The following KLHL4 variants were observed in gnomAD, a reference collection of about 807,000 sequenced individuals.
The protein encoded by KLHL4 is kelch-like protein 4.
Under a neutral mutation model 45.8 loss-of-function variants are expected in KLHL4, and 17 were observed. That is an observed-to-expected ratio of 0.37 (90% CI 0.25 to 0.56). The LOEUF is 0.56. Ranked by LOEUF, KLHL4 falls within the 20% of genes least tolerant of loss-of-function variation. KLHL4 has a pLI of 0.79. For synonymous variants in KLHL4, 224 were observed against 189.9 expected, an observed-to-expected ratio of 1.18 and a Z score of -1.47; for missense variants, 544 against 544.9, an observed-to-expected ratio of 1.00 and a Z score of 0.02.
At chrX:87,559,382 G>A (rs5969259) in intron 1 of KLHL4, among the ~76,000 whole-genome samples, 2 of 110,425 alleles carry the variant, frequency 1.8e-5, no homozygotes, top group Non-Finnish European at 3.8e-5. Flanking sequence ...ATCCTGTTAC[G>A]TTGACAGCCT....
chrX:87,595,031 T>A (rs902528058), intron 1 of KLHL4, among the ~76,000 whole-genome samples: 1 of 110,056 alleles, frequency 9.1e-6, no homozygotes, highest in African/African-American at 3.3e-5. Context: ...TTTTTTTTTT[T>A]TATTATACTT....
chrX:87,541,159 G>A (rs939172846), intron 1 of KLHL4, among the ~76,000 whole-genome samples: 1 of 109,836 alleles, frequency 9.1e-6, no homozygotes, highest in Non-Finnish European at 1.9e-5. Flanking sequence ...TCTTGTGATA[G>A]TGAGGGTGTT....
Position 87,528,706 on chromosome X carries a change from C to CAAA in KLHL4, c.422+10420_422+10422dup, listed in dbSNP as rs1160857135. On this transcript the variant is annotated intron_variant, in intron 1 of 10. Transcript: ENST00000373119. ...ATTCCAGCCTGGTAACAAAGCGAGA[C>CAAA]AAAAAAAAAAAAAAAAAAAAAAAAA... 9.4e-3 allele frequency among the ~76,000 whole-genome samples: 296 copies of CAAA among 31,497 alleles called. 10 individuals are homozygous for CAAA. The highest frequency in any genetic ancestry group is 0.011 in the Non-Finnish European group (203 of 18,360). 27.4% of individuals were successfully genotyped at this position (31,497 alleles called of 115,157 possible).
intron 10 of KLHL4, 29 bp downstream of exon 10, chrX:87,664,964 A>G: frequency 1.0e-6 from 1 of 953,975 alleles, no homozygotes; most frequent in Non-Finnish European, 1.5e-6. Context: ...TCAAATTACT[A>G]TATTTCAGGT....
chrX:87,621,308 A>G (rs904518810), intron 4 of KLHL4, among the ~76,000 whole-genome samples: 9 of 111,100 alleles, frequency 8.1e-5, no homozygotes, highest in African/African-American at 2.6e-4. Flanking sequence ...TGAGATCTTC[A>G]CTATGAGAAA....
intron 1 of KLHL4, among the ~76,000 whole-genome samples, chrX:87,536,133 C>T (rs1931423249): frequency 9.0e-6 from 1 of 110,999 alleles, no homozygotes; most frequent in Non-Finnish European, 1.9e-5. Flanking sequence ...AATGAATTCC[C>T]ATTTAAACTG....
intron 1 of KLHL4, among the ~76,000 whole-genome samples, chrX:87,601,060 A>C (rs1395796468): frequency 1.8e-5 from 2 of 111,752 alleles, no homozygotes; most frequent in African/African-American, 6.5e-5. Flanking sequence ...GTATGTTACC[A>C]GCAGCGAATC....
intron 1 of KLHL4, among the ~76,000 whole-genome samples, chrX:87,537,641 G>A (rs1931463123): frequency 9.0e-6 from 1 of 110,857 alleles, no homozygotes; most frequent in Admixed American, 9.7e-5. Flanking sequence ...CTAGTGGAAT[G>A]CTTAAATGAA....
intron 1 of KLHL4, among the ~76,000 whole-genome samples, chrX:87,539,637 G>T (rs1310761549): frequency 9.0e-6 from 1 of 110,596 alleles, no homozygotes; most frequent in Non-Finnish European, 1.9e-5. Context: ...ACCAACATCT[G>T]ATGAGATACC....
intron 6 of KLHL4, among the ~76,000 whole-genome samples, chrX:87,627,914 G>A (rs1016592774): frequency 1.8e-5 from 2 of 110,561 alleles, no homozygotes; most frequent in African/African-American, 6.6e-5. Flanking sequence ...ATAAAGGAAT[G>A]TATTACAACA....
intron 1 of KLHL4, among the ~76,000 whole-genome samples, chrX:87,604,223 C>T (rs1281027278): frequency 9.0e-6 from 1 of 110,655 alleles, no homozygotes; most frequent in East Asian, 2.8e-4. Flanking sequence ...TTTTGACATA[C>T]TGATGTTATT....
chrX:87,659,282 G>T (rs1315518857), intron 9 of KLHL4, among the ~76,000 whole-genome samples: 1 of 39,040 alleles, frequency 2.6e-5, no homozygotes, highest in Non-Finnish European at 5.2e-5. Flanking sequence ...ACCACACTGG[G>T]CTAATTTTTG....
chrX:87,572,532 T>C (rs1372615717), intron 1 of KLHL4, among the ~76,000 whole-genome samples: 4 of 110,756 alleles, frequency 3.6e-5, no homozygotes, highest in Non-Finnish European at 7.6e-5. Flanking sequence ...TATAGTCCAC[T>C]CTTTTCAGAT....
At chrX:87,598,695 C>T (rs939306104) in intron 1 of KLHL4, among the ~76,000 whole-genome samples, 2 of 111,371 alleles carry the variant, frequency 1.8e-5, no homozygotes, top group African/African-American at 6.5e-5. Flanking sequence ...TTTTTGAGAA[C>T]TGTTTAAACT....
At chrX:87,530,415 C>T (rs1357531761) in intron 1 of KLHL4, among the ~76,000 whole-genome samples, 1 of 64,833 alleles carries the variant, frequency 1.5e-5, no homozygotes. Flanking sequence ...TGCTATCCCT[C>T]CCCCCTCCCC....
Position 87,569,387 on chromosome X carries a change from A to T in KLHL4, c.423-44490A>T, listed in dbSNP as rs758367864. Reference sequence around the variant, plus strand: ...TGTTGATGGGAATTTTAAATGGTGAATCCACTGTAGAAAACTGTTTAGAAG... The same window carrying T: ...TGTTGATGGGAATTTTAAATGGTGATTCCACTGTAGAAAACTGTTTAGAAG... On this transcript the variant is annotated intron_variant, in intron 1 of 10. Coordinates refer to ENST00000373119, the MANE Select transcript of KLHL4 (RefSeq NM_019117.5). Among the ~76,000 whole-genome samples, 152 of 111,646 alleles carry T rather than the reference A, an allele frequency of 1.4e-3. 1 individual carries two copies. The highest frequency in any genetic ancestry group is 4.6e-3 in the African/African-American group (142 of 30,893).
intron 1 of KLHL4, among the ~76,000 whole-genome samples, chrX:87,576,205 A>C (rs1921096467): frequency 9.0e-6 from 1 of 111,335 alleles, no homozygotes; most frequent in Non-Finnish European, 1.9e-5. Flanking sequence ...CTTACTCTTT[A>C]CCCTTGATAG....
chrX:87,654,193 C>G (rs1167810167), intron 9 of KLHL4, among the ~76,000 whole-genome samples: 1 of 111,691 alleles, frequency 9.0e-6, no homozygotes, highest in Non-Finnish European at 1.9e-5. Context: ...AGTTTTGCAA[C>G]ATGGACCTAT....
chrX:87,636,583 G>A (rs1315796833), intron 9 of KLHL4, among the ~76,000 whole-genome samples: 1 of 111,473 alleles, frequency 9.0e-6, no homozygotes, highest in Admixed American at 9.5e-5. Context: ...TAGGTTCTCA[G>A]CCCTGCTCAC....
Sources: gnomAD v4.1 joint callset for allele counts (sites outside exome capture counted in the v4.1 genomes callset) on GRCh38, gnomAD v4.1.1 for gene constraint, MANE v1.5 for transcripts, NCBI Gene and HGNC (gene_info 2026-07-23, HGNC 2026-07-21) for gene names.